Variants in MAMLD1 observed in about 807,000 individuals in gnomAD.
MAMLD1 encodes mastermind like domain containing 1, also known as mastermind-like domain-containing protein 1.
MAMLD1 carries 14 observed loss-of-function variants against 45.0 expected under a neutral mutation model. The observed-to-expected ratio is 0.31, with a 90% CI of 0.21 to 0.49. MAMLD1 has a LOEUF of 0.49. Among genes scored for constraint, MAMLD1 ranks in the 20% least tolerant of loss-of-function variants. The probability of loss-of-function intolerance (pLI) is 0.99; values close to 1 mark genes in which losing one functional copy is unlikely to be tolerated. For synonymous variants in MAMLD1, 254 were observed against 247.8 expected (o/e 1.02, Z -0.24); for missense variants, 543 against 603.6 (o/e 0.90, Z 1.05).
At chrX:150,417,553 T>C (rs782020326) in intron 1 of MAMLD1, among the ~76,000 whole-genome samples, 51 of 110,295 alleles carry the variant, frequency 4.6e-4, no homozygotes, top group Non-Finnish European at 8.7e-4. Context: ...TCAAATGGTA[T>C]TTCCAGTTCT....
chrX:150,447,059 A>G (rs1263205952), intron 2 of MAMLD1, among the ~76,000 whole-genome samples: 1 of 112,441 alleles, frequency 8.9e-6, no homozygotes, highest in East Asian at 2.8e-4. Flanking sequence ...GTACAGTTGA[A>G]TGCACAGATT....
intron 1 of MAMLD1, among the ~76,000 whole-genome samples, chrX:150,386,309 T>C (rs2032927248): frequency 9.0e-6 from 1 of 111,579 alleles, no homozygotes; most frequent in South Asian, 3.8e-4. Flanking sequence ...ATGATGTTCT[T>C]TCTATTGAGG....
At chrX:150,368,287 G>C (rs1267386791) in intron 1 of MAMLD1, among the ~76,000 whole-genome samples, 1 of 111,233 alleles carries the variant, frequency 9.0e-6, no homozygotes, top group Non-Finnish European at 1.9e-5. Flanking sequence ...TTGTGGTTTT[G>C]ATTTGCATTT....
chrX:150,391,521 A>T (rs2033179455), intron 1 of MAMLD1, among the ~76,000 whole-genome samples: 2 of 111,080 alleles, frequency 1.8e-5, no homozygotes, highest in South Asian at 7.5e-4. Context: ...TATTTTTGTT[A>T]TTGTATTTTT....
At chrX:150,429,214 A>T (rs782519476) in intron 1 of MAMLD1, among the ~76,000 whole-genome samples, 6 of 109,496 alleles carry the variant, frequency 5.5e-5, no homozygotes, top group Admixed American at 3.9e-4. Flanking sequence ...ATGTCTCTAG[A>T]CCCTCACATT....
At chrX:150,376,264 G>A (rs1345669832) in intron 1 of MAMLD1, among the ~76,000 whole-genome samples, 1 of 112,254 alleles carries the variant, frequency 8.9e-6, no homozygotes, top group Non-Finnish European at 1.9e-5. Context: ...AAAGCATGGG[G>A]TTGTATTTTT....
intron 3 of MAMLD1, 118 bp from the exon 4 acceptor site, chrX:150,469,623 CTCTT>C (rs1248754291): frequency 7.4e-6 from 4 of 538,656 alleles, no homozygotes; most frequent in East Asian, 3.6e-5. Flanking sequence ...CTCTCTCTCT[CTCTT>C]TCTCTCTGTC....
At chrX:150,510,987 A>C (rs782076858) in intron 7 of MAMLD1, among the ~76,000 whole-genome samples, 68 of 112,421 alleles carry the variant, frequency 6.0e-4, no homozygotes, top group Non-Finnish European at 1.0e-3. Flanking sequence ...TAACCTTATA[A>C]GGCCAGATTG....
chrX:150,447,520 G>A (rs782683613), intron 2 of MAMLD1, among the ~76,000 whole-genome samples: 6 of 111,752 alleles, frequency 5.4e-5, no homozygotes, highest in South Asian at 7.6e-4. Context: ...GCTGCTGTAC[G>A]GTATCCCTGT....
chrX:150,366,807 T>C (rs2031491543), intron 1 of MAMLD1, among the ~76,000 whole-genome samples: 1 of 110,453 alleles, frequency 9.1e-6, no homozygotes, highest in African/African-American at 3.3e-5. Flanking sequence ...AGTACTGAAG[T>C]AAGAATGTTG....
intron 1 of MAMLD1, among the ~76,000 whole-genome samples, chrX:150,439,254 C>T (rs2035218359): frequency 1.8e-5 from 2 of 111,682 alleles, no homozygotes. Context: ...TTTAATTAGC[C>T]ATATGATTTG....
intron 1 of MAMLD1, among the ~76,000 whole-genome samples, chrX:150,364,987 T>A (rs1339661798): frequency 9.1e-6 from 1 of 110,162 alleles, no homozygotes; most frequent in Non-Finnish European, 1.9e-5. Flanking sequence ...CCGGGCGGGG[T>A]CGACCGTGCA....
chrX:150,502,862 G>A (rs1201411065), intron 5 of MAMLD1, among the ~76,000 whole-genome samples: 1 of 111,872 alleles, frequency 8.9e-6, no homozygotes, highest in Non-Finnish European at 1.9e-5. Context: ...ATCAGGCTTG[G>A]TCAAAGTCAT....
chrX:150,453,555 T>C (rs1289880955), intron 2 of MAMLD1, among the ~76,000 whole-genome samples: 1 of 111,778 alleles, frequency 8.9e-6, no homozygotes, highest in Non-Finnish European at 1.9e-5. Flanking sequence ...CCCCTAAAAG[T>C]GTTTCTTTTC....
intron 5 of MAMLD1, among the ~76,000 whole-genome samples, chrX:150,493,481 G>A (rs116001940): frequency 0.016 from 1,743 of 111,519 alleles, 31 homozygotes; most frequent in African/African-American, 0.053. Flanking sequence ...CCATACATAC[G>A]GAAGAGTATA....
chrX:150,369,896 A>G (rs1557400929), intron 1 of MAMLD1, among the ~76,000 whole-genome samples: 1 of 109,324 alleles, frequency 9.1e-6, no homozygotes, highest in African/African-American at 3.3e-5. Flanking sequence ...CAGCCATGTA[A>G]GAACCTGCTG....
intron 5 of MAMLD1, among the ~76,000 whole-genome samples, chrX:150,481,856 A>G (rs1295583780): frequency 4.7e-5 from 5 of 105,996 alleles, no homozygotes; most frequent in African/African-American, 1.4e-4. Context: ...GAAAGAAAGA[A>G]AGAGAGAAAG....
chrX:150,374,874 G>C (rs1220744678), intron 1 of MAMLD1, among the ~76,000 whole-genome samples: 1 of 111,525 alleles, frequency 9.0e-6, no homozygotes, highest in African/African-American at 3.3e-5. Context: ...AGAAGGTAAA[G>C]TGGATCCTGG....
chrX:150,393,878 C>T lies in MAMLD1; in HGVS notation c.-64+30348C>T, dbSNP rs143223026. Among the ~76,000 whole-genome samples the T allele has an allele frequency of 5.1e-3, 565 of 111,197 alleles. 2 individuals carry two copies. Among genetic ancestry groups the T allele is most frequent in the African/African-American group, 0.018 (546 of 30,561 alleles). Reference sequence around the variant, plus strand: ...TGTCTTTTGTAAATGTTTTCTCCCACTCTATGGCTTGTCTTTTCATTCTCT... The same window carrying T: ...TGTCTTTTGTAAATGTTTTCTCCCATTCTATGGCTTGTCTTTTCATTCTCT... On this transcript the variant is annotated intron_variant, in intron 1 of 7. Transcript: ENST00000370401.
Sources: allele counts gnomAD v4.1 joint callset (sites outside exome capture counted in the v4.1 genomes callset), GRCh38; gene constraint gnomAD v4.1.1; transcripts MANE v1.5; gene names NCBI Gene and HGNC (gene_info 2026-07-23, HGNC 2026-07-21).